DISC1: variants seen among roughly 807,000 people sequenced by gnomAD.
DISC1 encodes DISC1 scaffold protein.
DISC1 carries 57 observed loss-of-function variants against 84.5 expected under a neutral mutation model. The observed-to-expected ratio is 0.67, with a 90% confidence interval of 0.55 to 0.84. The LOEUF (loss-of-function observed/expected upper bound fraction) is 0.84, where lower values mean the gene tolerates loss of function less well. Ranked by LOEUF, DISC1 falls within the 40% of genes least tolerant of loss-of-function variation. The pLI is 0.00. For missense variants in DISC1, 1,000 were observed against 1,057.8 expected, an observed-to-expected ratio of 0.95 and a Z score of 0.76; for synonymous variants, 411 against 415.2, an observed-to-expected ratio of 0.99 and a Z score of 0.12.
intron 4 of DISC1, among the ~76,000 whole-genome samples, chr1:231,758,046 A>C (rs1573562016): frequency 1.3e-5 from 2 of 149,538 alleles, no homozygotes; most frequent in African/African-American, 4.9e-5. Context: ...CTTAGGGAAC[A>C]GTTCTGAGGC....
At chr1:231,735,427 G>A (rs949170733) in intron 3 of DISC1, among the ~76,000 whole-genome samples, 19 of 152,174 alleles carry the variant, frequency 1.2e-4, no homozygotes, top group East Asian at 1.9e-4. Context: ...AGAGGTGGAC[G>A]TGGTGGAAAA....
intron 7 of DISC1, 118 bp from the exon 8 acceptor site, chr1:231,799,985 CAATTA>C: frequency 1.7e-6 from 1 of 575,684 alleles, no homozygotes; most frequent in Non-Finnish European, 3.1e-6. Context: ...CATTGTCTTC[CAATTA>C]CTTTTCATCA....
chr1:231,753,032 C>T (rs1209718039), intron 4 of DISC1, among the ~76,000 whole-genome samples: 1 of 152,246 alleles, frequency 6.6e-6, no homozygotes, highest in East Asian at 1.9e-4. Flanking sequence ...TGCAGCTGCT[C>T]TCACAGGCTG....
intron 1 of DISC1, among the ~76,000 whole-genome samples, chr1:231,693,550 T>C: frequency 6.6e-6 from 1 of 152,234 alleles, no homozygotes; most frequent in African/African-American, 2.4e-5. Context: ...GTTGTGTTCA[T>C]GCTGACCTGT....
intron 3 of DISC1, among the ~76,000 whole-genome samples, chr1:231,718,151 G>A (rs1044325571): frequency 4.6e-5 from 7 of 152,028 alleles, no homozygotes; most frequent in Non-Finnish European, 7.4e-5. Context: ...CTGGACACAC[G>A]CACTCGCCTC....
intron 9 of DISC1, among the ~76,000 whole-genome samples, chr1:231,852,947 G>T (rs1327413012): frequency 6.6e-6 from 1 of 152,096 alleles, no homozygotes; most frequent in Non-Finnish European, 1.5e-5. Context: ...ATTTACAAGG[G>T]TTTATGCCAC....
chr1:231,712,575 G>A lies in DISC1; in HGVS notation c.1117+10551G>A, dbSNP rs1004515683. ...AGCATTTTTATTTGCTCTTGTCCCA[G>A]CCTTCTCTCTAGCAAGACAGTTCTC... On this transcript the variant is annotated intron_variant, in intron 3 of 12. Coordinates refer to ENST00000439617, the MANE Select transcript of DISC1 (RefSeq NM_018662.3). Among the ~76,000 whole-genome samples, 34 of 152,210 alleles carry A rather than the reference G, an allele frequency of 2.2e-4. 1 individual carries two copies. The highest frequency in any genetic ancestry group is 8.3e-4 in the South Asian group (4 of 4,838).
chr1:232,031,009 A>C lies in DISC1; in HGVS notation c.2425+4457A>C, dbSNP rs1302331004. 6.6e-6 allele frequency among the ~76,000 whole-genome samples: 1 copy of C among 152,162 alleles called. No individual in the cohort carries two copies. The highest frequency in any genetic ancestry group is 1.9e-4 in the East Asian group (1 of 5,160). Reference sequence around the variant, plus strand: ...ACACCTGTAGTCCCAGCTACTCCAGAGGCGTGAGAATTGCTTGAACCCAGG... The same window carrying C: ...ACACCTGTAGTCCCAGCTACTCCAGCGGCGTGAGAATTGCTTGAACCCAGG... On this transcript the variant is annotated intron_variant, in intron 12 of 12. Transcript: ENST00000439617. The surrounding 1 kb of genome is among the most constrained non-coding windows in gnomAD (Gnocchi z 4.6).
At chr1:231,829,551 C>T (rs2082078585) in intron 9 of DISC1, among the ~76,000 whole-genome samples, 1 of 152,104 alleles carries the variant, frequency 6.6e-6, no homozygotes, top group Non-Finnish European at 1.5e-5. Flanking sequence ...GGGATTATGC[C>T]ATGTTGCCTA....
chr1:231,648,024 C>T (rs1276093308), intron 1 of DISC1, among the ~76,000 whole-genome samples: 1 of 152,214 alleles, frequency 6.6e-6, no homozygotes, highest in Admixed American at 6.5e-5. Flanking sequence ...ATTTAACTTC[C>T]TCTTTTCCTA....
At chr1:231,793,704 C>T (rs1008812988) in intron 6 of DISC1, among the ~76,000 whole-genome samples, 2 of 152,168 alleles carry the variant, frequency 1.3e-5, no homozygotes, top group African/African-American at 2.4e-5. Flanking sequence ...TTTCATATTG[C>T]TCTCTTGCTA....
At position 231,916,858 on chromosome 1, in the gene DISC1, G is replaced by A. The variant is rs74144191; in HGVS notation, c.1982-41970G>A. On this transcript the variant is annotated intron_variant, in intron 9 of 12. Transcript: ENST00000439617. ...CTGGCCAAGCACTGTCATTTGGATG[G>A]GTCTTTGGGCAGGTAAGTTTCTGTG... 9.6e-3 allele frequency among the ~76,000 whole-genome samples: 1,462 copies of A among 152,186 alleles called. 20 individuals are homozygous for A. The highest frequency in any genetic ancestry group is 0.033 in the African/African-American group (1,369 of 41,512).
chr1:231,644,904 G>A (rs1399587890), intron 1 of DISC1, among the ~76,000 whole-genome samples: 2 of 151,954 alleles, frequency 1.3e-5, no homozygotes, highest in Non-Finnish European at 2.9e-5. Context: ...GCCTGGGTTT[G>A]TGCCCTAGGA....
intron 3 of DISC1, among the ~76,000 whole-genome samples, chr1:231,722,075 C>A (rs1316773090): frequency 6.6e-6 from 1 of 150,874 alleles, no homozygotes; most frequent in Non-Finnish European, 1.5e-5. Flanking sequence ...ATGGCATGAA[C>A]CTGGGAGGCG....
chr1:232,035,310 T>G (rs1670413545), intron 12 of DISC1, among the ~76,000 whole-genome samples: 1 of 152,108 alleles, frequency 6.6e-6, no homozygotes, highest in Non-Finnish European at 1.5e-5. Flanking sequence ...ATTAGCATGG[T>G]GGCACACACC....
At chr1:231,727,581 C>T (rs930627702) in intron 3 of DISC1, among the ~76,000 whole-genome samples, 1 of 152,150 alleles carries the variant, frequency 6.6e-6, no homozygotes, top group African/African-American at 2.4e-5. Flanking sequence ...AGAGACGCCC[C>T]TTGAGTAGAA....
At chr1:231,645,088 T>C (rs2125225261) in intron 1 of DISC1, among the ~76,000 whole-genome samples, 1 of 152,274 alleles carries the variant, frequency 6.6e-6, no homozygotes, top group East Asian at 1.9e-4. Flanking sequence ...TGCTCAAAAC[T>C]CTATTTTTAT....
At chr1:231,771,709 C>A in intron 6 of DISC1, 1 of 455,654 alleles carries the variant, frequency 2.2e-6, no homozygotes, top group Non-Finnish European at 2.9e-6. Flanking sequence ...AATTCTGAAG[C>A]CCGGTCTTCT....
rs764901021 is a variant in DISC1 at position 231,770,903 on chromosome 1, A to T, written c.1467A>T (p.Glu489Asp). Residue 489 changes from glutamate (E) to aspartate (D), a missense_variant, in exon 6 of 13, where the codon GAA becomes GAT. Glu to Asp is a conservative substitution (Grantham distance 45). Transcript: ENST00000439617. The part of the protein sequence containing the change: ...LEAKDQQLRR[E>D]IEEQEQQLQW... ...CCAAAGATCAACAGCTGAGAAGGGAAATAGAGGAGCAAGAGCAGCAACTCC... is the reference window on the plus strand; with the variant it reads ...CCAAAGATCAACAGCTGAGAAGGGATATAGAGGAGCAAGAGCAGCAACTCC... The T allele has an allele frequency of 1.9e-6, 3 of 1,614,144 alleles. No individual in the cohort carries two copies. The South Asian group carries it at 3.3e-5, about 18-fold the overall frequency.
Sources: allele counts gnomAD v4.1 joint callset (sites outside exome capture counted in the v4.1 genomes callset), GRCh38; gene constraint gnomAD v4.1.1; non-coding constraint Gnocchi (gnomAD v3.1); transcripts MANE v1.5; gene names NCBI Gene and HGNC (gene_info 2026-07-23, HGNC 2026-07-21).